The following HNRNPA1 variants were observed in gnomAD, a reference collection of about 807,000 sequenced individuals.
HNRNPA1 encodes epididymis secretory sperm binding protein.
In HNRNPA1, 7 loss-of-function variants were observed where a neutral mutation model predicts 44.4. The observed-to-expected ratio is 0.16, with a 90% CI of 0.09 to 0.30. HNRNPA1 has a LOEUF of 0.30. Among genes scored for constraint, HNRNPA1 ranks in the 10% least tolerant of loss-of-function variants. HNRNPA1 has a pLI of 1.00. For missense variants in HNRNPA1, 193 were observed against 465.8 expected (o/e 0.41, Z 5.39); for synonymous variants, 169 against 160.6 (o/e 1.05, Z -0.40).
chr12:54,282,951 T>C, intron 7 of HNRNPA1, 77 bp downstream of exon 7: 1 of 1,484,014 alleles, frequency 6.7e-7, no homozygotes, highest in Non-Finnish European at 9.1e-7. Flanking sequence ...AGACTAAAAT[T>C]CTGGTGCATG....
At chr12:54,282,735 GA>G in intron 6 of HNRNPA1, 64 bp from the exon 7 acceptor site, 17 of 1,588,750 alleles carry the variant, frequency 1.1e-5, no homozygotes, top group Non-Finnish European at 1.5e-5. Flanking sequence ...TACAGTACGG[GA>G]ACTGCATTCA....
At chr12:54,282,341 CTG>C in intron 4 of HNRNPA1, 41 bp downstream of exon 4, 13 of 1,610,168 alleles carry the variant, frequency 8.1e-6, no homozygotes, top group Non-Finnish European at 1.1e-5. Context: ...GTTCCACAAT[CTG>C]TATGGCATTC....
rs1476156887 is a variant in HNRNPA1, at chr12:54,280,819, A to T, written c.12A>T (p.Ser4=). Residue 4 remains serine (S), a synonymous_variant, in exon 1 of 11, where the codon TCA becomes TCT. Coordinates refer to ENST00000340913, the MANE Select transcript of HNRNPA1 (RefSeq NM_031157.4). MSK[S]ESPKEPEQLR... ...TTCACCCTGCCGTCATGTCTAAGTC[A>T]GAGGTGAGTTAGGCGCGCTTTCCCA... The T allele has an allele frequency of 1.2e-6, 2 of 1,614,070 alleles. No individual in the cohort carries two copies. Among genetic ancestry groups the T allele is most frequent in the Admixed American group, 3.3e-5 (2 of 60,010 alleles).
At position 54,282,853 on chromosome 12, in the gene HNRNPA1, TATAATGGATTTG is replaced by T; in HGVS notation, c.731_742del (p.Tyr244_Gly248delinsCys). On this transcript the variant is annotated inframe_deletion, in exon 7 of 11. Coordinates refer to ENST00000340913, the MANE Select transcript of HNRNPA1 (RefSeq NM_031157.4). ...TGGATATGGTGGCAGTGGGGATGGC[TATAATGGATTTG>T]GTAATGATGGTAAGTTTTTTAGGAA... 1 of 1,551,160 alleles carries T rather than the reference TATAATGGATTTG, an allele frequency of 6.4e-7. No individual in the cohort carries two copies. Among genetic ancestry groups the T allele is most frequent in the Non-Finnish European group, 8.7e-7 (1 of 1,146,892 alleles).
chr12:54,282,946 A>G (rs1944200362), intron 7 of HNRNPA1, 72 bp downstream of exon 7: 17 of 1,486,158 alleles, frequency 1.1e-5, no homozygotes, highest in South Asian at 3.7e-5. Flanking sequence ...AGTAGAGACT[A>G]AAATTCTGGT....
At chr12:54,282,699 T>C (rs371296806) in intron 6 of HNRNPA1, 34 bp downstream of exon 6, 14 of 1,597,718 alleles carry the variant, frequency 8.8e-6, no homozygotes, top group South Asian at 3.3e-5. Context: ...AGTTCTGACT[T>C]CTCACCATCT....
chr12:54,281,632 C>A, intron 2 of HNRNPA1, 130 bp downstream of exon 2: 1 of 1,012,370 alleles, frequency 9.9e-7, no homozygotes, highest in East Asian at 2.4e-5. Flanking sequence ...AAGGAACGTC[C>A]TGCTTTGATT....
In HNRNPA1 at chr12:54,285,444, A is replaced by G. The variant is rs1198191508; in HGVS notation, c.*900A>G. On this transcript the variant is annotated 3_prime_UTR_variant, in exon 11 of 11. Transcript: ENST00000340913. ...CTGGGAGGCCTTTTAAAAATAACTA[A>G]TATCAGAAAGCATTTTAATGAACGT... The G allele has an allele frequency of 2.6e-5, 4 of 152,224 alleles. No homozygotes were observed. Among genetic ancestry groups the G allele is most frequent in the Admixed American group, 6.5e-5 (1 of 15,282 alleles). The allele number at this position is 152,224 out of a possible 1,614,324, so 9.4% of individuals were successfully genotyped here. A position where few individuals can be genotyped will look rare whatever the true frequency, so the allele number is the denominator to read the frequency against.
At chr12:54,280,926 C>T in intron 1 of HNRNPA1, 104 bp downstream of exon 1, 2 of 1,290,010 alleles carry the variant, frequency 1.6e-6, no homozygotes, top group Admixed American at 1.7e-5. Context: ...TCTACAGTTC[C>T]TTCGGTCGCT....
In HNRNPA1 at chr12:54,282,171, C is replaced by T; in HGVS notation, c.361C>T (p.Leu121=). The change falls in exon 4 of 11, where the codon CTA becomes TTA. Residue 121 remains leucine, a synonymous_variant. Transcript: ENST00000340913. ...TAAAGAAGACACTGAAGAACATCAC[C>T]TAAGAGATTATTTTGAACAGTATGG... ...GIKEDTEEHH[L]RDYFEQYGKI... is the part of the protein sequence containing the mutation. The T allele has an allele frequency of 2.5e-6, 4 of 1,599,900 alleles. No homozygotes were observed. Among genetic ancestry groups the T allele is most frequent in the East Asian group, 2.2e-5 (1 of 44,832 alleles).
intron 8 of HNRNPA1, 30 bp downstream of exon 8, chr12:54,283,264 G>C (rs1565881184): frequency 3.1e-6 from 5 of 1,606,340 alleles, no homozygotes; most frequent in African/African-American, 1.3e-5. Context: ...AGTACTTGGT[G>C]TGACAGCTAG....
rs1358321414 is a variant in HNRNPA1, at chr12:54,283,189, G to T, written c.862G>T (p.Asp288Tyr). ...TGGCTATGGCGGGAGTGGCAGCTAT[G>T]ACAGCTATAACAACGGAGGCGGAGG... ...GSGYGGSGSY[D>Y]SYNNGGGGGF... Residue 288 changes from aspartate to tyrosine, a missense_variant, in exon 8 of 11, where the codon GAC becomes TAC. Physicochemically the swap from Asp to Tyr is radical, Grantham distance 160. Transcript: ENST00000340913. 6.2e-7 allele frequency: 1 copy of T among 1,609,406 alleles called. No individual in the cohort carries two copies. The highest frequency in any genetic ancestry group is 8.5e-7 in the Non-Finnish European group (1 of 1,177,932).
At chr12:54,283,049 G>A (rs1944202972) in intron 7 of HNRNPA1, 30 bp from the exon 8 acceptor site, 2 of 1,609,016 alleles carry the variant, frequency 1.2e-6, no homozygotes, top group Non-Finnish European at 1.7e-6. Context: ...AAATACTTTT[G>A]TCTTATTGAG....
chr12:54,283,362 G>A, intron 8 of HNRNPA1, 128 bp downstream of exon 8: 1 of 1,033,464 alleles, frequency 9.7e-7, no homozygotes, highest in Non-Finnish European at 1.4e-6. Flanking sequence ...GGCTTGCTAT[G>A]CTACCTCCTC....
Position 54,280,757 on chromosome 12 carries a change from C to G in HNRNPA1, c.-51C>G, listed in dbSNP as rs1050503965. 8.7e-6 allele frequency: 14 copies of G among 1,611,708 alleles called. No individual in the cohort carries two copies. The highest frequency in any genetic ancestry group is 2.2e-5 in the South Asian group (2 of 91,024). On this transcript the variant is annotated 5_prime_UTR_variant, in exon 1 of 11. Transcript: ENST00000340913. The stretch of plus-strand genomic sequence containing the variant: ...GTTCGTCAGCTTGCTCCTTTCTGCC[C>G]GTGGACGCCGCCGAAGAAGCATCGT...
At chr12:54,281,712 T>A in intron 2 of HNRNPA1, 83 bp from the exon 3 acceptor site, 1 of 1,406,392 alleles carries the variant, frequency 7.1e-7, no homozygotes, top group Non-Finnish European at 9.7e-7. Context: ...TGGTGTAAAG[T>A]TTCCTATTGC....
chr12:54,285,657 C>T lies in HNRNPA1; in HGVS notation c.*1113C>T, dbSNP rs1944252996. On this transcript the variant is annotated 3_prime_UTR_variant, in exon 11 of 11. Coordinates refer to ENST00000340913, the MANE Select transcript of HNRNPA1 (RefSeq NM_031157.4). ...CTTTATGGCACAAGGGGTCACACAA[C>T]CTACCTAAAATGTTAATTGTATAGA... The T allele has an allele frequency of 6.6e-6, 1 of 152,104 alleles. No individual in the cohort carries two copies. Among genetic ancestry groups the T allele is most frequent in the African/African-American group, 2.4e-5 (1 of 41,392 alleles). 9.4% of individuals were successfully genotyped at this position (152,104 alleles called of 1,614,324 possible). A position where few individuals can be genotyped will look rare whatever the true frequency, so the allele number is the denominator to read the frequency against.
Position 54,284,330 on chromosome 12 carries a change from C to T in HNRNPA1, c.*4+13C>T, listed in dbSNP as rs1944233120. The T allele has an allele frequency of 1.9e-6, 3 of 1,611,450 alleles. No homozygotes were observed. Among genetic ancestry groups the T allele is most frequent in the African/African-American group, 1.3e-5 (1 of 74,846 alleles). ...AGATTTTAATTAGGTAAGTAAGCAC[C>T]TTTTTGTGTGTTGACATAATTTTTT... On this transcript the variant is annotated intron_variant, in intron 10 of 10. Transcript: ENST00000340913.
In HNRNPA1 at chr12:54,281,956, T is replaced by TC; in HGVS notation, c.279+15_279+16insC. 1.9e-6 allele frequency: 3 copies of TC among 1,612,166 alleles called. No individual in the cohort carries two copies. The highest frequency in any genetic ancestry group is 2.5e-6 in the Non-Finnish European group (3 of 1,179,844). ...TCTCCAGAGAAGTGAGTGGGTTTTTTTTCTTCTTCTTCTTAAACTTACTTG... is the reference window on the plus strand; with the variant it reads ...TCTCCAGAGAAGTGAGTGGGTTTTTTCTTCTTCTTCTTCTTAAACTTACTTG... On this transcript the variant is annotated intron_variant, in intron 3 of 10. Coordinates refer to ENST00000340913, the MANE Select transcript of HNRNPA1 (RefSeq NM_031157.4).
Sources: allele counts gnomAD v4.1 joint callset, GRCh38; gene constraint gnomAD v4.1.1; transcripts MANE v1.5; gene names NCBI Gene and HGNC (gene_info 2026-07-23, HGNC 2026-07-21).